SIRT3: variants seen among roughly 807,000 people sequenced by gnomAD.
SIRT3 encodes sirtuin 3.
SIRT3 carries 26 observed loss-of-function variants against 33.5 expected under a neutral mutation model. That is an observed-to-expected ratio of 0.78 (90% CI 0.57 to 1.08). The LOEUF (loss-of-function observed/expected upper bound fraction) is 1.08. SIRT3 is among the 50% of genes least tolerant of loss of function. The probability of loss-of-function intolerance (pLI) is 0.00; values close to 1 mark genes in which losing one functional copy is unlikely to be tolerated. For synonymous variants in SIRT3, 237 were observed against 222.1 expected, an observed-to-expected ratio of 1.07 and a Z score of -0.60; for missense variants, 585 against 530.1, an observed-to-expected ratio of 1.10 and a Z score of -1.02.
rs200489602 is a variant in SIRT3 at position 233,333 on chromosome 11, T to C, written c.473+10A>G. On this transcript the variant is annotated intron_variant, in intron 2 of 6. Transcript: ENST00000382743. The stretch of plus-strand genomic sequence containing the variant: ...GGAGCGCAGAAGGCAGGTGGGACTG[T>C]GGGCAGTACCTGAAGTCTGGAATGC... 1 of 1,611,652 alleles carries C rather than the reference T, an allele frequency of 6.2e-7. No homozygotes were observed. The highest frequency in any genetic ancestry group is 8.5e-7 in the Non-Finnish European group (1 of 1,178,364).
At chr11:217,123 A>T (rs570424435) in intron 6 of SIRT3, among the ~76,000 whole-genome samples, 1 of 152,336 alleles carries the variant, frequency 6.6e-6, no homozygotes, top group East Asian at 1.9e-4. Flanking sequence ...ACTCCACAGG[A>T]GCTACCAGAG....
chr11:236,070 C>T lies in SIRT3; in HGVS notation c.259G>A (p.Ala87Thr), dbSNP rs1859030868. 1.9e-6 allele frequency: 3 copies of T among 1,539,984 alleles called. No homozygotes were observed. Among genetic ancestry groups the T allele is most frequent in the East Asian group, 2.5e-5 (1 of 40,606 alleles). ...TACCTCGAAAAGAAGAAACTGGGAG[C>T]TGCTGCCCTCGGCTGCCTCCGGAAT... ...RAFRRQPRAA[A>T]PSFFFSSIKG... The change falls in exon 1 of 7, where the codon GCT (alanine) becomes ACT (threonine). Residue 87 changes from alanine to threonine, a missense_variant. Coordinates refer to ENST00000382743, the MANE Select transcript of SIRT3 (RefSeq NM_012239.6).
chr11:218,354 A>G, intron 6 of SIRT3, among the ~76,000 whole-genome samples: 1 of 152,216 alleles, frequency 6.6e-6, no homozygotes, highest in East Asian at 1.9e-4. Flanking sequence ...GAAAGCATCA[A>G]GGCTCTTTGG....
At chr11:229,277 A>T (rs56201501) in intron 4 of SIRT3, among the ~76,000 whole-genome samples, 1 of 7,318 alleles carries the variant, frequency 1.4e-4, no homozygotes, top group East Asian at 8.8e-3. Flanking sequence ...TGGTGAAACT[A>T]CTCTACTAAA....
chr11:236,032 T>G lies in SIRT3; in HGVS notation c.281+16A>C. 6.7e-7 allele frequency: 1 copy of G among 1,492,174 alleles called. No homozygotes were observed. The highest frequency in any genetic ancestry group is 8.9e-7 in the Non-Finnish European group (1 of 1,121,380). 92.4% of individuals were successfully genotyped at this position (1,492,174 alleles called of 1,614,324 possible). On this transcript the variant is annotated intron_variant, in intron 1 of 6. Coordinates refer to ENST00000382743, the MANE Select transcript of SIRT3 (RefSeq NM_012239.6). ...ACAACGAACACGCAAGAAGTGCTTG[T>G]CCTTGCCCAAAATACCTCGAAAAGA...
At position 236,141 on chromosome 11, in the gene SIRT3, G is replaced by A. The variant is rs371539456; in HGVS notation, c.188C>T (p.Pro63Leu). The A allele has an allele frequency of 2.5e-6, 4 of 1,572,956 alleles. No individual in the cohort carries two copies. The highest frequency in any genetic ancestry group is 1.2e-5 in the South Asian group (1 of 85,978). Reference sequence around the variant, plus strand: ...GGGAGGCCTCTGCAAGGGGCGCGCCGGGTCCAAGGGCTCACCGCGGGCCCC... The same window carrying A: ...GGGAGGCCTCTGCAAGGGGCGCGCCAGGTCCAAGGGCTCACCGCGGGCCCC... ...SHGARGEPLDPARPLQRPPRP... is the reference protein window; with the variant it reads ...SHGARGEPLDLARPLQRPPRP... The change falls in exon 1 of 7, where the codon CCG (proline) becomes CTG (leucine). Residue 63 changes from proline to leucine, a missense_variant. By Grantham distance (98) the Pro-to-Leu change is moderately conservative. Coordinates refer to ENST00000382743, the MANE Select transcript of SIRT3 (RefSeq NM_012239.6).
intron 1 of SIRT3, among the ~76,000 whole-genome samples, chr11:234,280 G>A (rs1167495081): frequency 6.6e-6 from 1 of 152,198 alleles, no homozygotes; most frequent in East Asian, 1.9e-4. Flanking sequence ...ACTGTGCAAA[G>A]GACACAAACA....
intron 4 of SIRT3, 47 bp downstream of exon 4, chr11:230,405 C>T (rs1272793185): frequency 1.7e-6 from 2 of 1,184,122 alleles, no homozygotes; most frequent in East Asian, 2.8e-5. Context: ...TTCCAGATCA[C>T]CCCAACAGCA....
At chr11:230,803 G>A (rs1200022907) in intron 3 of SIRT3, 2 of 332,282 alleles carry the variant, frequency 6.0e-6, no homozygotes, top group African/African-American at 2.1e-5. Context: ...AACTCAGTAC[G>A]AAAAACCATT....
chr11:235,999 A>G (rs1859011296), intron 1 of SIRT3, 49 bp downstream of exon 1: 1 of 1,414,222 alleles, frequency 7.1e-7, no homozygotes, highest in South Asian at 1.5e-5. Context: ...AGAGTGGGCG[A>G]GGTGTCGACA....
At chr11:234,360 C>A (rs144907300) in intron 1 of SIRT3, among the ~76,000 whole-genome samples, 1 of 152,322 alleles carries the variant, frequency 6.6e-6, no homozygotes, top group Non-Finnish European at 1.5e-5. Flanking sequence ...ACTCCTCACA[C>A]GCAGCCCTAT....
In SIRT3 at chr11:216,732, G is replaced by A; in HGVS notation, c.1180-14C>T. On this transcript the variant is annotated splice_polypyrimidine_tract_variant and intron_variant, in intron 6 of 6. Transcript: ENST00000382743. ...TGGTCCATCAAGCTGGAATACAGAA[G>A]ACAGAGGGTATCAGCTATCTGTTTA... The A allele has an allele frequency of 6.2e-7, 1 of 1,614,100 alleles. No individual in the cohort carries two copies. The highest frequency in any genetic ancestry group is 8.5e-7 in the Non-Finnish European group (1 of 1,179,938).
In SIRT3 at chr11:230,466, C is replaced by G. The variant is rs1857786399; in HGVS notation, c.793G>C (p.Gly265Arg). The change falls in exon 4 of 7, where the codon GGG becomes CGG. Residue 265 changes from glycine (G) to arginine (R), a missense_variant. By Grantham distance (125) the Gly-to-Arg change is moderately radical. Transcript: ENST00000382743. ...GGATAACTCACCCGAATGTCCTCCCCTGGGAAGGGTCTTTGGCAGACTGTG... is the reference window on the plus strand; with the variant it reads ...GGATAACTCACCCGAATGTCCTCCCGTGGGAAGGGTCTTTGGCAGACTGTG... ...TCTVCQRPFP[G>R]EDIRADVMAD... 1 of 1,493,852 alleles carries G rather than the reference C, an allele frequency of 6.7e-7. No homozygotes were observed. The highest frequency in any genetic ancestry group is 2.3e-5 in the Admixed American group (1 of 43,672). 92.5% of individuals were successfully genotyped at this position (1,493,852 alleles called of 1,614,324 possible).
intron 4 of SIRT3, among the ~76,000 whole-genome samples, chr11:224,702 T>A (rs564665054): frequency 6.6e-6 from 1 of 152,298 alleles, no homozygotes; most frequent in East Asian, 1.9e-4. Flanking sequence ...GCCTCAGCCC[T>A]GGGAGGCATT....
At chr11:229,662 G>A (rs1857644196) in intron 4 of SIRT3, among the ~76,000 whole-genome samples, 1 of 152,056 alleles carries the variant, frequency 6.6e-6, no homozygotes, top group Non-Finnish European at 1.5e-5. Flanking sequence ...AGGAGGCTGA[G>A]GCAGGAGAAT....
intron 3 of SIRT3, among the ~76,000 whole-genome samples, chr11:232,419 C>T (rs34725261): frequency 0.072 from 10,980 of 152,114 alleles, 454 homozygotes; most frequent in African/African-American, 0.079. Flanking sequence ...ACCTGTAATC[C>T]GGCACCCGGC....
intron 4 of SIRT3, among the ~76,000 whole-genome samples, chr11:226,244 C>A (rs1293418508): frequency 6.6e-6 from 1 of 151,900 alleles, no homozygotes; most frequent in Admixed American, 6.6e-5. Context: ...CTGTTTAGCC[C>A]TTAGTGAAGA....
In SIRT3 at chr11:233,361, C is replaced by G. The variant is rs1366219330; in HGVS notation, c.455G>C (p.Ser152Thr). ...VMVGAGISTP[S>T]GIPDFRSPGS... The stretch of plus-strand genomic sequence containing the variant: ...GCAGTACCTGAAGTCTGGAATGCCA[C>G]TGGGTGTGCTGATGCCGGCCCCCAC... Residue 152 changes from serine (S) to threonine (T), a missense_variant, in exon 2 of 7, where the codon AGT becomes ACT. Transcript: ENST00000382743. 2 of 1,613,850 alleles carry G rather than the reference C, an allele frequency of 1.2e-6. No homozygotes were observed. Among genetic ancestry groups the G allele is most frequent in the South Asian group, 2.2e-5 (2 of 91,056 alleles).
chr11:231,256 T>C (rs1040158658), intron 3 of SIRT3, among the ~76,000 whole-genome samples: 5 of 151,956 alleles, frequency 3.3e-5, no homozygotes, highest in African/African-American at 7.3e-5. Flanking sequence ...CTCAGCAACA[T>C]AGTGAGACTT....
Sources: gnomAD v4.1 joint callset for allele counts (sites outside exome capture counted in the v4.1 genomes callset) on GRCh38, gnomAD v4.1.1 for gene constraint, MANE v1.5 for transcripts, NCBI Gene and HGNC (gene_info 2026-07-23, HGNC 2026-07-21) for gene names.